Variants in CBFA2T3 observed in about 807,000 individuals in gnomAD.
CBFA2T3 encodes CBFA2/RUNX1 partner transcriptional co-repressor 3.
Under a neutral mutation model 58.6 loss-of-function variants are expected in CBFA2T3, and 31 were observed. That is an observed-to-expected ratio of 0.53 (90% CI 0.40 to 0.71). The LOEUF (loss-of-function observed/expected upper bound fraction) is 0.71, where lower values mean the gene tolerates loss of function less well. Among genes scored for constraint, CBFA2T3 ranks in the 30% least tolerant of loss-of-function variants. CBFA2T3 has a pLI of 0.00. For missense variants in CBFA2T3, 1,076 were observed against 963.1 expected, an observed-to-expected ratio of 1.12 and a Z score of -1.55; for synonymous variants, 531 against 421.9, an observed-to-expected ratio of 1.26 and a Z score of -3.17.
intron 1 of CBFA2T3, among the ~76,000 whole-genome samples, chr16:88,945,967 T>C (rs543347705): frequency 2.6e-5 from 4 of 152,132 alleles, no homozygotes; most frequent in Non-Finnish European, 5.9e-5. Flanking sequence ...ATGTAGACGA[T>C]AGAGTGTTAT....
intron 1 of CBFA2T3, among the ~76,000 whole-genome samples, chr16:88,965,602 G>A (rs1429215686): frequency 6.6e-6 from 1 of 152,226 alleles, no homozygotes; most frequent in Admixed American, 6.5e-5. Context: ...CTCACACACT[G>A]TATGCAGCTG....
At chr16:88,914,756 C>G (rs1970637105) in intron 1 of CBFA2T3, among the ~76,000 whole-genome samples, 2 of 152,338 alleles carry the variant, frequency 1.3e-5, no homozygotes, top group African/African-American at 4.8e-5. Context: ...CCTGGAAAGG[C>G]TGGGGGAGAG....
intron 1 of CBFA2T3, chr16:88,951,395 T>C (rs1423244948): frequency 2.2e-6 from 1 of 451,784 alleles, no homozygotes; most frequent in Admixed American, 2.4e-5. Context: ...TACAATTCTT[T>C]GAGAGGTATC....
chr16:88,937,390 C>G (rs572679571), intron 1 of CBFA2T3: 3 of 152,954 alleles, frequency 2.0e-5, no homozygotes, highest in African/African-American at 7.2e-5. Flanking sequence ...AGCCAGTACC[C>G]CAGCAGTTGT....
intron 1 of CBFA2T3, among the ~76,000 whole-genome samples, chr16:88,971,550 G>A (rs1410645759): frequency 6.6e-6 from 1 of 151,864 alleles, no homozygotes; most frequent in Admixed American, 6.6e-5. Context: ...GCAACTGCCC[G>A]ACAGGCCTGG....
chr16:88,927,687 C>T (rs554222377), intron 1 of CBFA2T3, among the ~76,000 whole-genome samples: 2 of 152,310 alleles, frequency 1.3e-5, no homozygotes, highest in South Asian at 2.1e-4. Flanking sequence ...GAAGCCAGCA[C>T]TGCCTGGGAT....
chr16:88,950,682 ACC>A lies in CBFA2T3; in HGVS notation c.151+25973_151+25974del. 1.1e-5 allele frequency: 2 copies of A among 182,452 alleles called. 1 individual carries two copies. The highest frequency in any genetic ancestry group is 2.0e-5 in the Non-Finnish European group (2 of 97,702). 11.3% of individuals were successfully genotyped at this position (182,452 alleles called of 1,614,324 possible). ...CCGGATCTGTTCACCCGTCCCCTGGACCGGCACCGCCACAGAGGGTCAGAGTG... is the reference window on the plus strand; with the variant it reads ...CCGGATCTGTTCACCCGTCCCCTGGAGGCACCGCCACAGAGGGTCAGAGTG... On this transcript the variant is annotated intron_variant, in intron 1 of 11. Transcript: ENST00000268679.
chr16:88,892,235 C>A lies in CBFA2T3; in HGVS notation c.621+9G>T. 2 of 1,605,178 alleles carry A rather than the reference C, an allele frequency of 1.2e-6. No individual in the cohort carries two copies. The highest frequency in any genetic ancestry group is 1.1e-5 in the South Asian group (1 of 90,738). ...GTCCCAAGGCCCCGGCTGTCCCTGC[C>A]CAACTCACCACCAGGCCCAGCACCA... On this transcript the variant is annotated intron_variant, in intron 4 of 11. Transcript: ENST00000268679.
rs1972883628 is a variant in CBFA2T3 at position 88,977,113 on chromosome 16, CG to C, written c.-307del. The C allele has an allele frequency of 3.6e-5, 12 of 331,388 alleles. No homozygotes were observed. The South Asian group carries it at 1.0e-3, about 28-fold the overall frequency. The allele number at this position is 331,388 out of a possible 1,614,324, so 20.5% of individuals were successfully genotyped here. A position where few individuals can be genotyped will look rare whatever the true frequency, so the allele number is the denominator to read the frequency against. On this transcript the variant is annotated 5_prime_UTR_variant, in exon 1 of 12. It introduces an in-frame stop codon into an upstream open reading frame of the 5' UTR. Transcript: ENST00000268679. ...GCCAGCTGTGTCCCCGTGATAATGC[CG>C]GGGCCGGAGGCCTGCAGCTGCGCCC...
In CBFA2T3 at chr16:88,891,880, A is replaced by C. The variant is rs901757882; in HGVS notation, c.711+2T>G. 2 of 1,605,950 alleles carry C rather than the reference A, an allele frequency of 1.2e-6. No individual in the cohort carries two copies. The highest frequency in any genetic ancestry group is 1.3e-5 in the African/African-American group (1 of 74,638). ...CAGCACGGGGGACGGGTTTCGCATTACCTTCAGGAAGGGAATGACAAACGG... is the reference window on the plus strand; with the variant it reads ...CAGCACGGGGGACGGGTTTCGCATTCCCTTCAGGAAGGGAATGACAAACGG... On this transcript the variant is annotated splice_donor_variant, in intron 5 of 11. Coordinates refer to ENST00000268679, the MANE Select transcript of CBFA2T3 (RefSeq NM_005187.6). LOFTEE classifies it high-confidence loss of function.
chr16:88,889,829 G>A (rs1453378868), intron 5 of CBFA2T3, among the ~76,000 whole-genome samples: 6 of 131,670 alleles, frequency 4.6e-5, no homozygotes, highest in African/African-American at 1.2e-4. Flanking sequence ...ATCCCTGGAC[G>A]ATGCCCCGCG....
At chr16:88,911,945 C>T (rs951877253) in intron 1 of CBFA2T3, among the ~76,000 whole-genome samples, 2 of 152,394 alleles carry the variant, frequency 1.3e-5, no homozygotes. Flanking sequence ...AGGGCCCAGA[C>T]TGCCCACCGG....
chr16:88,968,724 A>G (rs976084883), intron 1 of CBFA2T3, among the ~76,000 whole-genome samples: 4 of 152,122 alleles, frequency 2.6e-5, no homozygotes, highest in Non-Finnish European at 5.9e-5. Flanking sequence ...CTTGGGAATA[A>G]GCGGCAAGAA....
intron 4 of CBFA2T3, 21 bp from the exon 5 acceptor site, chr16:88,891,992 C>T (rs1370284043): frequency 6.3e-7 from 1 of 1,592,952 alleles, no homozygotes; most frequent in East Asian, 2.2e-5. Context: ...GAAAACCCAC[C>T]TCACATCAGC....
At chr16:88,944,017 T>C (rs1453143055) in intron 1 of CBFA2T3, among the ~76,000 whole-genome samples, 1 of 152,050 alleles carries the variant, frequency 6.6e-6, no homozygotes, top group African/African-American at 2.4e-5. Flanking sequence ...TCGCTGTCTG[T>C]AGAGGCAGGA....
At chr16:88,973,206 G>A (rs550505896) in intron 1 of CBFA2T3, among the ~76,000 whole-genome samples, 6 of 152,342 alleles carry the variant, frequency 3.9e-5, no homozygotes, top group South Asian at 2.1e-4. Context: ...GTGTCCCACC[G>A]CCTGGAGTGC....
intron 1 of CBFA2T3, among the ~76,000 whole-genome samples, chr16:88,970,846 G>A (rs1186451032): frequency 1.3e-5 from 2 of 152,266 alleles, no homozygotes; most frequent in Non-Finnish European, 2.9e-5. Flanking sequence ...GACGCTGGGG[G>A]CCGGGGGATG....
intron 1 of CBFA2T3, among the ~76,000 whole-genome samples, chr16:88,948,604 C>A (rs1971966823): frequency 6.6e-6 from 1 of 152,246 alleles, no homozygotes; most frequent in African/African-American, 2.4e-5. Context: ...TGTCTCTTGG[C>A]TTTCTCCCCT....
chr16:88,885,863 G>T lies in CBFA2T3; in HGVS notation c.893+98C>A. ...CCCGAGAGAGCCGGCCGGGCTGGCT[G>T]CAGCCCCAGAGGAGGTTCCCTCTCT... On this transcript the variant is annotated intron_variant, in intron 6 of 11. Transcript: ENST00000268679. The surrounding 1 kb of genome is among the most constrained non-coding windows in gnomAD (Gnocchi z 5.3). 9.1e-7 allele frequency: 1 copy of T among 1,097,578 alleles called. No homozygotes were observed. The allele number at this position is 1,097,578 out of a possible 1,614,324, so 68.0% of individuals were successfully genotyped here.
Sources: gnomAD v4.1 joint callset for allele counts (sites outside exome capture counted in the v4.1 genomes callset) on GRCh38, gnomAD v4.1.1 for gene constraint, Gnocchi (gnomAD v3.1) non-coding constraint, MANE v1.5 for transcripts, NCBI Gene and HGNC (gene_info 2026-07-23, HGNC 2026-07-21) for gene names.